The following MAP2K4 variants were observed in gnomAD, a reference collection of about 807,000 sequenced individuals.
MAP2K4 encodes mitogen-activated protein kinase kinase 4.
Under a neutral mutation model 48.5 loss-of-function variants are expected in MAP2K4, and 4 were observed. The ratio of observed to expected loss-of-function variants is 0.08; its 90% CI spans 0.04 to 0.19. The LOEUF is 0.19. Among genes scored for constraint, MAP2K4 ranks in the 10% least tolerant of loss-of-function variants. MAP2K4 has a pLI of 1.00. For synonymous variants in MAP2K4, 166 were observed against 173.1 expected, an observed-to-expected ratio of 0.96 and a Z score of 0.32; for missense variants, 258 against 493.3, an observed-to-expected ratio of 0.52 and a Z score of 4.52.
rs1973380718 is a variant in MAP2K4, at chr17:12,141,631, C to A, written c.*371C>A. Reference sequence around the variant, plus strand: ...ATGGTGTTTTGTCAGACTTCCAAATCCTGGAAGGACACAGTGATGAATGTA... The same window carrying A: ...ATGGTGTTTTGTCAGACTTCCAAATACTGGAAGGACACAGTGATGAATGTA... On this transcript the variant is annotated 3_prime_UTR_variant, in exon 11 of 11. Transcript: ENST00000353533. The A allele has an allele frequency of 1.0e-5, 3 of 295,434 alleles. No individual in the cohort carries two copies. The highest frequency in any genetic ancestry group is 1.9e-5 in the Non-Finnish European group (3 of 156,366). The allele number at this position is 295,434 out of a possible 1,614,324, so 18.3% of individuals were successfully genotyped here.
intron 7 of MAP2K4, among the ~76,000 whole-genome samples, chr17:12,120,908 A>G (rs879858025): frequency 8.5e-5 from 13 of 152,366 alleles, no homozygotes; most frequent in African/African-American, 2.9e-4. Flanking sequence ...CAGTTGATGC[A>G]GGTATTCTGG....
At chr17:12,132,507 C>G (rs1194886019) in intron 9 of MAP2K4, among the ~76,000 whole-genome samples, 4 of 151,446 alleles carry the variant, frequency 2.6e-5, no homozygotes, top group African/African-American at 9.7e-5. Flanking sequence ...AAGTTAAAAG[C>G]AAACAATATA....
At chr17:12,101,868 A>G (rs983609331) in intron 4 of MAP2K4, among the ~76,000 whole-genome samples, 1 of 152,142 alleles carries the variant, frequency 6.6e-6, no homozygotes, top group African/African-American at 2.4e-5. Context: ...TCTTGTGTGC[A>G]GCAACCTTGC....
At chr17:12,100,662 A>G (rs1971909240) in intron 4 of MAP2K4, among the ~76,000 whole-genome samples, 1 of 152,142 alleles carries the variant, frequency 6.6e-6, no homozygotes. Flanking sequence ...TAGTTGTACC[A>G]TTTTATACTT....
intron 1 of MAP2K4, chr17:12,032,373 A>G (rs1486679482): frequency 1.5e-6 from 1 of 672,614 alleles, no homozygotes; most frequent in Non-Finnish European, 2.2e-6. Flanking sequence ...TGTGTCCACT[A>G]TTGTTTCAGC....
In MAP2K4 at chr17:12,034,013, A is replaced by G. The variant is rs78255885; in HGVS notation, c.115+13012A>G. Among the ~76,000 whole-genome samples, 482 of 151,996 alleles carry G rather than the reference A, an allele frequency of 3.2e-3. 4 individuals are homozygous for G. The highest frequency in any genetic ancestry group is 6.8e-3 in the Middle Eastern group (2 of 294). The stretch of plus-strand genomic sequence containing the variant: ...GCTATGTTGCCCAGGCTGGTCTCGA[A>G]CTCCTGGCTTTAAGCAGTCCCACTT... On this transcript the variant is annotated intron_variant, in intron 1 of 10. Coordinates refer to ENST00000353533, the MANE Select transcript of MAP2K4 (RefSeq NM_003010.4).
intron 9 of MAP2K4, 64 bp from the exon 10 acceptor site, chr17:12,139,775 G>A: frequency 8.4e-7 from 1 of 1,187,088 alleles, no homozygotes; most frequent in South Asian, 1.3e-5. Flanking sequence ...TTTCATCTGT[G>A]AAAAGAAAAA....
intron 1 of MAP2K4, among the ~76,000 whole-genome samples, chr17:12,028,463 A>G (rs531372609): frequency 1.3e-4 from 20 of 152,358 alleles, no homozygotes; most frequent in African/African-American, 3.4e-4. Flanking sequence ...TCTGAGTACA[A>G]TGAAAATACA....
rs1409568600 is a variant in MAP2K4 at position 12,142,862 on chromosome 17, A to G, written c.*1602A>G. 1.7e-5 allele frequency: 4 copies of G among 232,504 alleles called. No homozygotes were observed. Among genetic ancestry groups the G allele is most frequent in the African/African-American group, 8.8e-5 (4 of 45,304 alleles). 14.4% of individuals were successfully genotyped at this position (232,504 alleles called of 1,614,324 possible). On this transcript the variant is annotated 3_prime_UTR_variant, in exon 11 of 11. Transcript: ENST00000353533. ...GCAGCACTGTGAGTGGTTCAAGCAC[A>G]CTGGAATATAAAACAGTCATGGCCT... is the stretch of plus-strand genomic sequence containing the variant.
At chr17:12,030,198 A>G (rs1969388428) in intron 1 of MAP2K4, among the ~76,000 whole-genome samples, 1 of 152,174 alleles carries the variant, frequency 6.6e-6, no homozygotes, top group African/African-American at 2.4e-5. Flanking sequence ...TAGACAGACT[A>G]ACTAAAAACG....
chr17:12,048,726 TGC>T, intron 1 of MAP2K4, among the ~76,000 whole-genome samples: 1 of 152,210 alleles, frequency 6.6e-6, no homozygotes, highest in South Asian at 2.1e-4. Flanking sequence ...GCGCGATCTC[TGC>T]TCACTGAAAC....
intron 2 of MAP2K4, among the ~76,000 whole-genome samples, chr17:12,058,070 C>T (rs1970336753): frequency 6.6e-6 from 1 of 151,866 alleles, no homozygotes; most frequent in South Asian, 2.1e-4. Context: ...AGAGCTAGCT[C>T]TTAGGCCAGG....
intron 1 of MAP2K4, among the ~76,000 whole-genome samples, chr17:12,046,639 T>C (rs1969974185): frequency 6.6e-6 from 1 of 152,150 alleles, no homozygotes; most frequent in African/African-American, 2.4e-5. Context: ...CTGTGCTTAA[T>C]TGATGTGAAA....
intron 1 of MAP2K4, among the ~76,000 whole-genome samples, chr17:12,031,718 G>A (rs1429206010): frequency 2.0e-5 from 3 of 152,026 alleles, no homozygotes; most frequent in Non-Finnish European, 4.4e-5. Flanking sequence ...ATTTTTTCAG[G>A]CCTATTTTAG....
chr17:12,096,084 C>T (rs1016727726), intron 4 of MAP2K4, among the ~76,000 whole-genome samples: 1 of 54,894 alleles, frequency 1.8e-5, no homozygotes, highest in Non-Finnish European at 5.2e-5. Flanking sequence ...CCCCCCCCCC[C>T]CCCCGCCGCC....
chr17:12,067,022 A>G (rs1298943784), intron 2 of MAP2K4, among the ~76,000 whole-genome samples: 1 of 151,886 alleles, frequency 6.6e-6, no homozygotes, highest in East Asian at 1.9e-4. Flanking sequence ...GGGTTTCACC[A>G]TGTTGGCCAG....
chr17:12,099,518 TC>T (rs1479064787), intron 4 of MAP2K4, among the ~76,000 whole-genome samples: 1 of 152,282 alleles, frequency 6.6e-6, no homozygotes, highest in African/African-American at 2.4e-5. Context: ...CAGTGAATAA[TC>T]CTTAATACTG....
intron 1 of MAP2K4, among the ~76,000 whole-genome samples, chr17:12,042,177 A>AAAC (rs1209588363): frequency 6.6e-6 from 1 of 150,992 alleles, no homozygotes; most frequent in Non-Finnish European, 1.5e-5. Context: ...CAAAAAAAAA[A>AAAC]AAAAAAAAAA....
intron 3 of MAP2K4, among the ~76,000 whole-genome samples, chr17:12,086,909 C>G (rs1971385826): frequency 1.3e-5 from 2 of 152,106 alleles, no homozygotes; most frequent in Admixed American, 1.3e-4. Context: ...TGCAGTGGCA[C>G]AATCTTGGCT....
Sources: allele counts gnomAD v4.1 joint callset (sites outside exome capture counted in the v4.1 genomes callset), GRCh38; gene constraint gnomAD v4.1.1; transcripts MANE v1.5; gene names NCBI Gene and HGNC (gene_info 2026-07-23, HGNC 2026-07-21).